ZFHX3: variants seen among roughly 807,000 people sequenced by gnomAD.
ZFHX3 encodes the protein zinc finger homeobox protein 3.
A neutral mutation model predicts 279.1 loss-of-function variants in ZFHX3; 42 were observed. The ratio of observed to expected loss-of-function variants is 0.15; its 90% CI spans 0.12 to 0.19. The LOEUF is 0.19. Ranked by LOEUF, ZFHX3 falls within the 10% of genes least tolerant of loss-of-function variation. The pLI is 1.00. For synonymous variants in ZFHX3, 2,293 were observed against 1,957.8 expected (o/e 1.17, Z -4.52); for missense variants, 4,981 against 4,754.0 (o/e 1.05, Z -1.40).
At chr16:73,634,447 T>G (rs1390591129) in intron 2 of ZFHX3, among the ~76,000 whole-genome samples, 1 of 146,496 alleles carries the variant, frequency 6.8e-6, no homozygotes, top group Non-Finnish European at 1.5e-5. Flanking sequence ...TATATATATA[T>G]ATATATATAT....
At chr16:73,729,915 A>T (rs1415228635) in intron 1 of ZFHX3, among the ~76,000 whole-genome samples, 3 of 152,224 alleles carry the variant, frequency 2.0e-5, no homozygotes, top group Non-Finnish European at 4.4e-5. Flanking sequence ...TAGTGTAAAA[A>T]ATATGTACAG....
At chr16:73,525,118 A>G (rs570687266) in intron 2 of ZFHX3, among the ~76,000 whole-genome samples, 12 of 152,330 alleles carry the variant, frequency 7.9e-5, no homozygotes, top group Admixed American at 5.2e-4. Flanking sequence ...AACCAGCGAC[A>G]TGAGGGCATT....
At chr16:73,156,725 T>A (rs1967094098) in intron 5 of ZFHX3, among the ~76,000 whole-genome samples, 1 of 151,272 alleles carries the variant, frequency 6.6e-6, no homozygotes, top group Non-Finnish European at 1.5e-5. Context: ...CTGGCTAATT[T>A]TTTTTTTTTT....
At chr16:73,215,995 C>T (rs1348821951) in intron 5 of ZFHX3, among the ~76,000 whole-genome samples, 1 of 152,082 alleles carries the variant, frequency 6.6e-6, no homozygotes. Context: ...ATGATATGAT[C>T]TAGATAGTGA....
intron 1 of ZFHX3, among the ~76,000 whole-genome samples, chr16:73,754,110 T>A (rs2053785156): frequency 6.6e-6 from 1 of 152,018 alleles, no homozygotes; most frequent in African/African-American, 2.4e-5. Flanking sequence ...TCATACCATG[T>A]TGGCAGACAG....
chr16:73,096,225 A>T (rs1369109268), intron 7 of ZFHX3, among the ~76,000 whole-genome samples: 1 of 151,642 alleles, frequency 6.6e-6, no homozygotes, highest in Non-Finnish European at 1.5e-5. Flanking sequence ...CTGTTCCAGA[A>T]AGTAGCTTTT....
At chr16:72,902,108 C>T (rs1352620261) in intron 3 of ZFHX3, among the ~76,000 whole-genome samples, 1 of 152,160 alleles carries the variant, frequency 6.6e-6, no homozygotes, top group Non-Finnish European at 1.5e-5. Flanking sequence ...AACAATGGGG[C>T]TGTAATTGCA....
intron 5 of ZFHX3, among the ~76,000 whole-genome samples, chr16:73,242,488 C>T (rs1228438298): frequency 6.6e-6 from 1 of 152,178 alleles, no homozygotes; most frequent in Non-Finnish European, 1.5e-5. Context: ...TTTTTCGTGT[C>T]TCTTGACTAT....
At chr16:73,138,537 A>G (rs1347693445) in intron 6 of ZFHX3, among the ~76,000 whole-genome samples, 9 of 152,144 alleles carry the variant, frequency 5.9e-5, no homozygotes, top group African/African-American at 1.9e-4. Flanking sequence ...ATATCAAGGC[A>G]TGATGCTTAA....
At chr16:73,155,350 T>C (rs1042087426) in intron 5 of ZFHX3, among the ~76,000 whole-genome samples, 1 of 152,126 alleles carries the variant, frequency 6.6e-6, no homozygotes, top group Non-Finnish European at 1.5e-5. Context: ...ATGTTGGTCC[T>C]ACATGAAGCT....
chr16:73,245,505 A>G (rs2013254402), intron 5 of ZFHX3, among the ~76,000 whole-genome samples: 1 of 152,230 alleles, frequency 6.6e-6, no homozygotes, highest in African/African-American at 2.4e-5. Context: ...GGATGAATAA[A>G]TAGATGATGC....
Position 73,805,799 on chromosome 16 carries a change from G to A in ZFHX3, c.-1608+85852C>T, listed in dbSNP as rs142862142. ...ATGCTGGGTGGCATGTGAATAAAAGGATAGCAGAGTAAAGAGACAGAGGGT... is the reference window on the plus strand; with the variant it reads ...ATGCTGGGTGGCATGTGAATAAAAGAATAGCAGAGTAAAGAGACAGAGGGT... On this transcript the variant is annotated intron_variant, in intron 1 of 17. Transcript: ENST00000641206. Among the ~76,000 whole-genome samples the A allele has an allele frequency of 2.3e-3, 347 of 152,312 alleles. 2 individuals carry two copies. The highest frequency in any genetic ancestry group is 7.9e-3 in the African/African-American group (327 of 41,558).
At chr16:73,470,889 T>A (rs1354331947) in intron 2 of ZFHX3, among the ~76,000 whole-genome samples, 1 of 152,202 alleles carries the variant, frequency 6.6e-6, no homozygotes, top group African/African-American at 2.4e-5. Context: ...ACCCCTTTTT[T>A]GGGTGAACAT....
rs1961450125 is a variant in ZFHX3, at chr16:72,959,458, T to C, written c.688A>G (p.Ser230Gly). The change falls in exon 2 of 10, where the codon AGC becomes GGC. Residue 230 changes from serine to glycine, a missense_variant. Coordinates refer to ENST00000268489, the MANE Select transcript of ZFHX3 (RefSeq NM_006885.4). Reference protein sequence around the residue: ...ALAGLSPVLHSFRVFDVRHKS... With the variant: ...ALAGLSPVLHGFRVFDVRHKS... Reference sequence around the variant, plus strand: ...TGTCGCACGTCAAACACGCGGAAGCTGTGCAGGACGGGGCTGAGCCCCGCC... The same window carrying C: ...TGTCGCACGTCAAACACGCGGAAGCCGTGCAGGACGGGGCTGAGCCCCGCC... 7 of 1,614,238 alleles carry C rather than the reference T, an allele frequency of 4.3e-6. No individual in the cohort carries two copies. In the East Asian group the frequency reaches 1.6e-4, roughly 36 times the overall value.
chr16:73,109,184 AC>A (rs1221897001), intron 7 of ZFHX3, among the ~76,000 whole-genome samples: 2 of 152,180 alleles, frequency 1.3e-5, no homozygotes, highest in Admixed American at 1.3e-4. Flanking sequence ...TTTCCTGTGC[AC>A]ATTCAAATGT....
At chr16:73,726,365 C>G (rs187511960) in intron 1 of ZFHX3, among the ~76,000 whole-genome samples, 3 of 152,290 alleles carry the variant, frequency 2.0e-5, no homozygotes, top group Non-Finnish European at 2.9e-5. Context: ...AAGGTGGTAT[C>G]TGCAAGGATG....
At chr16:73,329,531 T>C (rs1194969878) in intron 3 of ZFHX3, among the ~76,000 whole-genome samples, 1 of 152,212 alleles carries the variant, frequency 6.6e-6, no homozygotes, top group Non-Finnish European at 1.5e-5. Flanking sequence ...GCCCCTTGCA[T>C]ACTAATCAGG....
chr16:73,656,395 T>C (rs1320231104), intron 2 of ZFHX3, among the ~76,000 whole-genome samples: 1 of 152,190 alleles, frequency 6.6e-6, no homozygotes, highest in Non-Finnish European at 1.5e-5. Flanking sequence ...CTACATTATA[T>C]TGTTTAGGGA....
Position 73,395,983 on chromosome 16 carries a change from T to C in ZFHX3, c.-1291+60020A>G, listed in dbSNP as rs556282467. Among the ~76,000 whole-genome samples the C allele has an allele frequency of 1.4e-4, 22 of 152,368 alleles. No individual in the cohort carries two copies. The South Asian group carries it at 4.6e-3, about 32-fold the overall frequency. ...AGGTTTAGAAGAAAACAATGCTTAC[T>C]ATACACTTCTTGGGTTTTCTTTTCC... On this transcript the variant is annotated intron_variant, in intron 3 of 17. Coordinates refer to the ZFHX3 transcript ENST00000641206.
Sources: gnomAD v4.1 joint callset for allele counts (sites outside exome capture counted in the v4.1 genomes callset) on GRCh38, gnomAD v4.1.1 for gene constraint, MANE v1.5 for transcripts, NCBI Gene and HGNC (gene_info 2026-07-23, HGNC 2026-07-21) for gene names.